LIMCH1: variants seen among roughly 807,000 people sequenced by gnomAD.
The protein encoded by LIMCH1 is LIM and calponin homology domains-containing protein 1.
A neutral mutation model predicts 176.5 loss-of-function variants in LIMCH1; 113 were observed. The ratio of observed to expected loss-of-function variants is 0.64; its 90% CI spans 0.55 to 0.75. LIMCH1 has a LOEUF of 0.75. LIMCH1 is among the 30% of genes least tolerant of loss of function. The pLI, the probability that LIMCH1 is intolerant of heterozygous loss-of-function variation, is 0.00. For missense variants in LIMCH1, 1,674 were observed against 1,814.9 expected, an observed-to-expected ratio of 0.92 and a Z score of 1.41; for synonymous variants, 619 against 645.9, an observed-to-expected ratio of 0.96 and a Z score of 0.63.
At chr4:41,453,199 G>C (rs1389477234) in intron 1 of LIMCH1, among the ~76,000 whole-genome samples, 1 of 151,946 alleles carries the variant, frequency 6.6e-6, no homozygotes, top group Admixed American at 6.6e-5. Flanking sequence ...AGTGGGTTAG[G>C]GAAAAAATGG....
At position 41,632,735 on chromosome 4, in the gene LIMCH1, T is replaced by C; in HGVS notation, c.1602-14T>C. ...TCTCCTCTCTTGCCACCAATGCTACTTGATCGTCTGCAGAACAATGAATTG... is the reference window on the plus strand; with the variant it reads ...TCTCCTCTCTTGCCACCAATGCTACCTGATCGTCTGCAGAACAATGAATTG... On this transcript the variant is annotated splice_polypyrimidine_tract_variant and intron_variant, in intron 10 of 31. Transcript: ENST00000503057. The C allele has an allele frequency of 2.0e-6, 3 of 1,532,928 alleles. No individual in the cohort carries two copies. Among genetic ancestry groups the C allele is most frequent in the Non-Finnish European group, 2.6e-6 (3 of 1,143,958 alleles). 95.0% of individuals were successfully genotyped at this position (1,532,928 alleles called of 1,614,324 possible). A position where few individuals can be genotyped will look rare whatever the true frequency, so the allele number is the denominator to read the frequency against.
intron 24 of LIMCH1, among the ~76,000 whole-genome samples, chr4:41,680,513 C>T (rs1463023168): frequency 1.3e-5 from 2 of 152,072 alleles, no homozygotes; most frequent in African/African-American, 4.8e-5. Context: ...ACTAAAGAGA[C>T]TTGGAGGAGA....
chr4:41,658,370 A>T (rs1266402844), intron 18 of LIMCH1, among the ~76,000 whole-genome samples: 2 of 152,254 alleles, frequency 1.3e-5, no homozygotes, highest in African/African-American at 4.8e-5. Context: ...AAGGTAAGTT[A>T]TCTGGAGTTT....
chr4:41,454,213 C>A (rs575153403), intron 1 of LIMCH1, among the ~76,000 whole-genome samples: 1 of 152,114 alleles, frequency 6.6e-6, no homozygotes, highest in East Asian at 1.9e-4. Context: ...TTATCCACTG[C>A]TACAATGTAA....
chr4:41,381,279 A>G (rs1448957505), intron 1 of LIMCH1, among the ~76,000 whole-genome samples: 1 of 152,226 alleles, frequency 6.6e-6, no homozygotes, highest in African/African-American at 2.4e-5. Context: ...CACAGCACCA[A>G]CCAATCAGAG....
intron 1 of LIMCH1, among the ~76,000 whole-genome samples, chr4:41,571,676 G>A (rs934568161): frequency 2.6e-5 from 4 of 152,122 alleles, no homozygotes; most frequent in African/African-American, 9.7e-5. Flanking sequence ...CATTTTGAGG[G>A]TGAGCAAGAG....
rs1283836412 is a variant in LIMCH1, at chr4:41,538,213, G to A, written c.-378G>A. 3 of 985,640 alleles carry A rather than the reference G, an allele frequency of 3.0e-6. No homozygotes were observed. Among genetic ancestry groups the A allele is most frequent in the Non-Finnish European group, 3.6e-6 (3 of 830,062 alleles). The allele number at this position is 985,640 out of a possible 1,614,324, so 61.1% of individuals were successfully genotyped here. On this transcript the variant is annotated 5_prime_UTR_variant, in exon 1 of 32. Transcript: ENST00000503057. ...CAGAGCAGGGGTTGGCAGTGGTGAC[G>A]ACTGTTTTGGGAAAGGAAATGTAAG...
At chr4:41,509,040 G>T (rs2074514904) in intron 2 of LIMCH1, among the ~76,000 whole-genome samples, 1 of 152,170 alleles carries the variant, frequency 6.6e-6, no homozygotes, top group African/African-American at 2.4e-5. Flanking sequence ...TGACCCAATG[G>T]CTGATTAGTA....
At chr4:41,663,134 C>CGTGTGTGTGTGTGTGTGTGT (rs60475434) in intron 20 of LIMCH1, 150 bp downstream of exon 20, 72 of 406,562 alleles carry the variant, frequency 1.8e-4, no homozygotes, top group African/African-American at 5.2e-4. Flanking sequence ...TTTTCTTTTT[C>CGTGTGTGTGTGTGTGTGTGT]GTGTGTGTGT....
In LIMCH1 at chr4:41,682,442, G is replaced by A. The variant is rs1225303962; in HGVS notation, c.3827G>A (p.Arg1276Gln). 5.6e-6 allele frequency: 9 copies of A among 1,612,622 alleles called. No homozygotes were observed. The highest frequency in any genetic ancestry group is 4.4e-5 in the South Asian group (4 of 90,914). Residue 1276 changes from arginine (R) to glutamine (Q), a missense_variant, in exon 26 of 32, where the codon CGA (arginine) becomes CAA (glutamine). Physicochemically the swap from Arg to Gln is conservative, Grantham distance 43. Around this residue, in one of 3 missense-constraint regions of LIMCH1, gnomAD observed 1,015 missense variants for 1,102.5 expected, o/e 0.92. Transcript: ENST00000503057. ...DLLLKTRESD[R>Q]LEEKGSLTEG... is the part of the protein sequence containing the mutation. The stretch of plus-strand genomic sequence containing the variant: ...TTGCTGAAGACTAGGGAAAGTGATC[G>A]ACTGGAGGAGAAGGGCAGGTATGAG...
At chr4:41,685,374 T>C (rs1369969163) in intron 27 of LIMCH1, among the ~76,000 whole-genome samples, 1 of 152,150 alleles carries the variant, frequency 6.6e-6, no homozygotes, top group African/African-American at 2.4e-5. Context: ...GAGAAAGCAA[T>C]GGGTGTTTAC....
In LIMCH1 at chr4:41,595,464, G is replaced by A. The variant is rs564146549; in HGVS notation, c.-240-3456G>A. 3.9e-3 allele frequency among the ~76,000 whole-genome samples: 595 copies of A among 152,080 alleles called. 2 individuals are homozygous for A. Among genetic ancestry groups the A allele is most frequent in the African/African-American group, 0.014 (570 of 41,498 alleles). ...TTAATTGGGAGTCAGATTTAGTAGC[G>A]GGGTGACTGGTATGGTATATAACCT... is the stretch of plus-strand genomic sequence containing the variant. On this transcript the variant is annotated intron_variant, in intron 1 of 31. Coordinates refer to ENST00000503057, the MANE Select transcript of LIMCH1 (RefSeq NM_001330672.2).
At position 41,692,265 on chromosome 4, in the gene LIMCH1, T is replaced by C. The variant is rs779444070; in HGVS notation, c.4276-17T>C. ...TTCCTTATGCATCTTATGATGTCTG[T>C]TCTTTTTACCCTATAGTGTGGAATT... On this transcript the variant is annotated splice_polypyrimidine_tract_variant and intron_variant, in intron 30 of 31. Transcript: ENST00000503057. 3 of 1,481,118 alleles carry C rather than the reference T, an allele frequency of 2.0e-6. No individual in the cohort carries two copies. The highest frequency in any genetic ancestry group is 2.8e-6 in the Non-Finnish European group (3 of 1,059,016). 91.7% of individuals were successfully genotyped at this position (1,481,118 alleles called of 1,614,324 possible).
intron 1 of LIMCH1, among the ~76,000 whole-genome samples, chr4:41,563,670 T>C (rs1027427709): frequency 1.3e-5 from 2 of 152,180 alleles, no homozygotes; most frequent in African/African-American, 4.8e-5. Context: ...CACCTCCCTC[T>C]ACCCATCCTG....
At chr4:41,679,895 A>C (rs549901811) in intron 23 of LIMCH1, 111 bp from the exon 24 acceptor site, 15 of 644,072 alleles carry the variant, frequency 2.3e-5, no homozygotes, top group East Asian at 2.0e-4. Context: ...CAGAATCCTA[A>C]CAAGAAGAAG....
intron 1 of LIMCH1, among the ~76,000 whole-genome samples, chr4:41,461,024 G>T (rs2065299963): frequency 6.6e-6 from 1 of 152,084 alleles, no homozygotes; most frequent in East Asian, 1.9e-4. Flanking sequence ...GCAATAATCT[G>T]GTTTGTTTAT....
chr4:41,644,740 G>C, intron 15 of LIMCH1, 114 bp downstream of exon 15: 1 of 1,289,628 alleles, frequency 7.8e-7, no homozygotes, highest in Non-Finnish European at 1.0e-6. Context: ...CCCCTAGAGG[G>C]TTTCAAAAGG....
chr4:41,475,968 G>A (rs2067676509), intron 1 of LIMCH1, among the ~76,000 whole-genome samples: 4 of 152,068 alleles, frequency 2.6e-5, no homozygotes, highest in Admixed American at 2.6e-4. Context: ...TAACACAATT[G>A]CCTCTTATTT....
rs71198662 is a variant in LIMCH1, at chr4:41,501,857, C to CTTT, written c.167+7278_167+7280dup. On this transcript the variant is annotated intron_variant, in intron 2 of 26. Coordinates refer to the LIMCH1 transcript ENST00000313860. Reference sequence around the variant, plus strand: ...CACTCTCATCTCCCGGTGTAGAATCCTTTTTTTTTTTTTTTTTTTTTTTTT... The same window carrying CTTT: ...CACTCTCATCTCCCGGTGTAGAATCCTTTTTTTTTTTTTTTTTTTTTTTTTTTT... 5.7e-3 allele frequency among the ~76,000 whole-genome samples: 428 copies of CTTT among 74,918 alleles called. 6 individuals are homozygous for CTTT. The highest frequency in any genetic ancestry group is 9.8e-3 in the Middle Eastern group (1 of 102). The allele number at this position is 74,918 out of a possible 152,430, so 49.1% of individuals were successfully genotyped here.
Sources: gnomAD v4.1 joint callset for allele counts (sites outside exome capture counted in the v4.1 genomes callset) on GRCh38, gnomAD v4.1.1 for gene constraint, gnomAD v4.1.1 regional missense constraint, MANE v1.5 for transcripts, NCBI Gene and HGNC (gene_info 2026-07-23, HGNC 2026-07-21) for gene names.